The following KCNIP4 variants were observed in gnomAD, a reference collection of about 807,000 sequenced individuals.
The protein encoded by KCNIP4 is potassium voltage-gated channel interacting protein 4.
KCNIP4 carries 12 observed loss-of-function variants against 34.0 expected under a neutral mutation model. The ratio of observed to expected loss-of-function variants is 0.35; its 90% confidence interval spans 0.23 to 0.57. KCNIP4 has a LOEUF of 0.57. Ranked by LOEUF, KCNIP4 falls within the 20% of genes least tolerant of loss-of-function variation. The pLI, the probability that KCNIP4 is intolerant of heterozygous loss-of-function variation, is 0.83. For synonymous variants in KCNIP4, 124 were observed against 102.2 expected, an observed-to-expected ratio of 1.21 and a Z score of -1.29; for missense variants, 238 against 311.7, an observed-to-expected ratio of 0.76 and a Z score of 1.78.
intron 1 of KCNIP4, among the ~76,000 whole-genome samples, chr4:21,130,805 T>C (rs1209609653): frequency 2.0e-5 from 3 of 152,202 alleles, no homozygotes; most frequent in Admixed American, 1.3e-4. Flanking sequence ...GACTCAGCAA[T>C]TTCCCACTTA....
chr4:20,732,020 C>A lies in KCNIP4; in HGVS notation c.691G>T (p.Glu231Ter), dbSNP rs1560404167. 1 of 1,613,404 alleles carries A rather than the reference C, an allele frequency of 6.2e-7. No homozygotes were observed. The highest frequency in any genetic ancestry group is 8.5e-7 in the Non-Finnish European group (1 of 1,179,704). Residue 231 changes from glutamate (E) to a stop codon, truncating the protein, a stop_gained, in exon 8 of 9, where the codon GAA becomes TAA. Coordinates refer to ENST00000382152, the MANE Select transcript of KCNIP4 (RefSeq NM_025221.6). LOFTEE classifies it high-confidence loss of function. ...TCATTACTTACTTTTTGGCAGCTTTCAATGAACTCATCTATGGTAACAACC... is the reference window on the plus strand; with the variant it reads ...TCATTACTTACTTTTTGGCAGCTTTAAATGAACTCATCTATGGTAACAACC... ...DGVVTIDEFI[E>*]SCQKDENIMR...
intron 5 of KCNIP4, among the ~76,000 whole-genome samples, chr4:20,739,935 T>A (rs541756772): frequency 3.9e-5 from 6 of 152,242 alleles, no homozygotes; most frequent in African/African-American, 1.4e-4. Context: ...GCACAAGAAC[T>A]ATCTGATGCA....
In KCNIP4 at chr4:21,459,226, G is replaced by A. The variant is rs542048773; in HGVS notation, c.61+489345C>T. Among the ~76,000 whole-genome samples the A allele has an allele frequency of 3.2e-4, 48 of 151,958 alleles. No individual in the cohort carries two copies. In the South Asian group the frequency reaches 1.0e-2, roughly 32 times the overall value. ...TTTCACCTTTGTACTCATAAAAATG[G>A]CTCTCTTTAAAGTCATCAACAACTT... On this transcript the variant is annotated intron_variant, in intron 1 of 8. Coordinates refer to ENST00000382152, the MANE Select transcript of KCNIP4 (RefSeq NM_025221.6).
At chr4:21,047,995 T>C (rs1231407502) in intron 1 of KCNIP4, among the ~76,000 whole-genome samples, 1 of 152,206 alleles carries the variant, frequency 6.6e-6, no homozygotes, top group Non-Finnish European at 1.5e-5. Flanking sequence ...GAAAAACAAC[T>C]GGGCTTGAAA....
chr4:21,915,079 G>A (rs1383890826), intron 1 of KCNIP4, among the ~76,000 whole-genome samples: 2 of 152,208 alleles, frequency 1.3e-5, no homozygotes, highest in Non-Finnish European at 2.9e-5. Context: ...AGACCAGGGT[G>A]CTGTAGCGGC....
chr4:21,780,589 C>G (rs1398473234), intron 1 of KCNIP4, among the ~76,000 whole-genome samples: 1 of 152,148 alleles, frequency 6.6e-6, no homozygotes, highest in Non-Finnish European at 1.5e-5. Context: ...AACACTGAGA[C>G]TGCCCAGGCT....
intron 3 of KCNIP4, among the ~76,000 whole-genome samples, chr4:20,789,514 C>G (rs558896218): frequency 6.6e-6 from 1 of 152,144 alleles, no homozygotes; most frequent in East Asian, 1.9e-4. Flanking sequence ...CTACAAATGT[C>G]TCTCCTTCCT....
chr4:21,625,783 C>T (rs1387758963), intron 1 of KCNIP4, among the ~76,000 whole-genome samples: 1 of 152,164 alleles, frequency 6.6e-6, no homozygotes, highest in Non-Finnish European at 1.5e-5. Context: ...ATAGTCAATA[C>T]CTGTAACTGA....
At position 21,258,294 on chromosome 4, in the gene KCNIP4, C is replaced by T. The variant is rs75801703; in HGVS notation, c.62-375585G>A. Among the ~76,000 whole-genome samples the T allele has an allele frequency of 4.2e-3, 634 of 152,160 alleles. 4 individuals are homozygous for T. Among genetic ancestry groups the T allele is most frequent in the Admixed American group, 0.01 (157 of 15,272 alleles). ...GCTTTACTCTTAACACTGATACTAC[C>T]GAGTAAACAGTAGGTGCTCAATACA... On this transcript the variant is annotated intron_variant, in intron 1 of 8. Coordinates refer to ENST00000382152, the MANE Select transcript of KCNIP4 (RefSeq NM_025221.6).
At chr4:21,118,335 G>A (rs950147517) in intron 1 of KCNIP4, among the ~76,000 whole-genome samples, 1 of 152,096 alleles carries the variant, frequency 6.6e-6, no homozygotes, top group African/African-American at 2.4e-5. Context: ...AACAACCAGC[G>A]TCCCTGACTT....
chr4:21,113,697 G>C (rs1180569543), intron 1 of KCNIP4, among the ~76,000 whole-genome samples: 1 of 152,140 alleles, frequency 6.6e-6, no homozygotes, highest in Non-Finnish European at 1.5e-5. Flanking sequence ...ATTTGAGCAT[G>C]TGTAATAGAT....
At chr4:20,836,853 T>C (rs11932876) in intron 3 of KCNIP4, among the ~76,000 whole-genome samples, 43,385 of 151,764 alleles carry the variant, frequency 0.29, 6,458 homozygotes, top group South Asian at 0.39. Context: ...CACAGGAGTC[T>C]CTTTCATAGA....
intron 1 of KCNIP4, among the ~76,000 whole-genome samples, chr4:21,917,503 A>G (rs530064916): frequency 9.9e-5 from 15 of 152,184 alleles, no homozygotes; most frequent in Non-Finnish European, 1.8e-4. Flanking sequence ...AACCACTATC[A>G]ATGCCATTTT....
intron 1 of KCNIP4, among the ~76,000 whole-genome samples, chr4:21,403,599 T>C (rs960212714): frequency 6.6e-6 from 1 of 152,198 alleles, no homozygotes; most frequent in African/African-American, 2.4e-5. Context: ...TATAACCTAA[T>C]AGAACGACTT....
chr4:21,363,683 G>A (rs992438245), intron 1 of KCNIP4, among the ~76,000 whole-genome samples: 5 of 151,972 alleles, frequency 3.3e-5, no homozygotes, highest in African/African-American at 1.2e-4. Context: ...TGATGATTTT[G>A]ACTATCATCA....
intron 1 of KCNIP4, among the ~76,000 whole-genome samples, chr4:21,915,091 C>A (rs1056454923): frequency 6.6e-6 from 1 of 152,114 alleles, no homozygotes; most frequent in African/African-American, 2.4e-5. Context: ...TGTAGCGGCA[C>A]AGAGAGTCAG....
At chr4:21,032,551 C>A (rs1390568787) in intron 1 of KCNIP4, among the ~76,000 whole-genome samples, 1 of 152,054 alleles carries the variant, frequency 6.6e-6, no homozygotes, top group East Asian at 1.9e-4. Context: ...ATAAACTTTT[C>A]ATAGAAAACT....
intron 3 of KCNIP4, among the ~76,000 whole-genome samples, chr4:20,824,288 T>C (rs1560492906): frequency 6.6e-6 from 1 of 152,252 alleles, no homozygotes; most frequent in Non-Finnish European, 1.5e-5. Context: ...TATAAAATTG[T>C]ATTCTAAAGT....
chr4:21,135,400 G>A (rs189902021), intron 1 of KCNIP4, among the ~76,000 whole-genome samples: 5 of 152,246 alleles, frequency 3.3e-5, no homozygotes, highest in African/African-American at 1.2e-4. Context: ...GATGTGCAAA[G>A]CATCCCCATT....
Sources: allele counts gnomAD v4.1 joint callset (sites outside exome capture counted in the v4.1 genomes callset), GRCh38; gene constraint gnomAD v4.1.1; transcripts MANE v1.5; gene names NCBI Gene and HGNC (gene_info 2026-07-23, HGNC 2026-07-21).